Variants in NID2 observed in about 807,000 individuals in gnomAD.
NID2 encodes the protein nidogen 2.
Under a neutral mutation model 145.4 loss-of-function variants are expected in NID2, and 83 were observed. That is an observed-to-expected ratio of 0.57 (90% confidence interval 0.48 to 0.69). The LOEUF is 0.69. Ranked by LOEUF, NID2 falls within the 30% of genes least tolerant of loss-of-function variation. The pLI is 0.00. For synonymous variants in NID2, 739 were observed against 701.3 expected, an observed-to-expected ratio of 1.05 and a Z score of -0.85; for missense variants, 1,807 against 1,765.7, an observed-to-expected ratio of 1.02 and a Z score of -0.42.
At chr14:52,042,659 TTGATAGCACTC>T (rs1892327297) in intron 6 of NID2, 112 bp downstream of exon 6, 2 of 1,021,044 alleles carry the variant, frequency 2.0e-6, no homozygotes, top group Non-Finnish European at 2.9e-6. Flanking sequence ...CACCTGCAAG[TTGATAGCACTC>T]TGATTTAAGT....
intron 19 of NID2, chr14:52,007,566 C>A: frequency 2.1e-6 from 1 of 468,388 alleles, no homozygotes; most frequent in Non-Finnish European, 3.8e-6. Flanking sequence ...TAAAAATATG[C>A]CAGGCACTCA....
intron 2 of NID2, among the ~76,000 whole-genome samples, chr14:52,067,378 TAGAC>T (rs1893255529): frequency 6.6e-6 from 1 of 152,210 alleles, no homozygotes; most frequent in South Asian, 2.1e-4. Flanking sequence ...TCATTGTTAA[TAGAC>T]AGCAATAAAG....
chr14:52,026,770 C>G (rs1329583719), intron 12 of NID2, among the ~76,000 whole-genome samples: 1 of 152,192 alleles, frequency 6.6e-6, no homozygotes, highest in Admixed American at 6.5e-5. Context: ...ATGTGGAGTT[C>G]TCTCTTTTGA....
chr14:52,064,657 G>A (rs1893128304), intron 2 of NID2, among the ~76,000 whole-genome samples: 1 of 152,084 alleles, frequency 6.6e-6, no homozygotes, highest in South Asian at 2.1e-4. Context: ...AACCATAGCG[G>A]GCAACCTTGC....
chr14:52,037,110 C>G (rs1418215372), intron 9 of NID2, among the ~76,000 whole-genome samples: 1 of 152,202 alleles, frequency 6.6e-6, no homozygotes, highest in Admixed American at 6.5e-5. Context: ...AACTCTTACA[C>G]TTAGGTCTGT....
intron 2 of NID2, among the ~76,000 whole-genome samples, chr14:52,066,215 C>T (rs1893206227): frequency 1.3e-5 from 2 of 151,768 alleles, no homozygotes; most frequent in Admixed American, 6.6e-5. Flanking sequence ...TTCCAAAAAC[C>T]TTGCATTTAA....
intron 6 of NID2, 57 bp from the exon 7 acceptor site, chr14:52,042,407 A>C: frequency 6.5e-7 from 1 of 1,537,600 alleles, no homozygotes. Context: ...AGATGGGTGT[A>C]CCCAGGTATA....
At chr14:52,039,382 T>C (rs975985128) in intron 8 of NID2, among the ~76,000 whole-genome samples, 5 of 152,198 alleles carry the variant, frequency 3.3e-5, no homozygotes, top group Non-Finnish European at 5.9e-5. Context: ...GAAACTCACA[T>C]TGGTTTGACT....
intron 18 of NID2, chr14:52,009,995 GAAAAA>G (rs369796666): frequency 6.9e-6 from 1 of 144,210 alleles, no homozygotes; most frequent in African/African-American, 2.6e-5. Context: ...TCAAAAAAAA[GAAAAA>G]AAAAAGAAAA....
At chr14:52,066,975 C>T (rs1173571283) in intron 2 of NID2, among the ~76,000 whole-genome samples, 1 of 152,126 alleles carries the variant, frequency 6.6e-6, no homozygotes, top group African/African-American at 2.4e-5. Context: ...AGCACATTGA[C>T]GGCAGACTCC....
At chr14:52,050,412 A>T (rs1892645002) in intron 5 of NID2, among the ~76,000 whole-genome samples, 1 of 152,062 alleles carries the variant, frequency 6.6e-6, no homozygotes, top group Non-Finnish European at 1.5e-5. Context: ...GCCTGGCTCA[A>T]GCCCCTCCTT....
At chr14:52,018,406 C>T (rs1219572420) in intron 14 of NID2, among the ~76,000 whole-genome samples, 2 of 152,196 alleles carry the variant, frequency 1.3e-5, no homozygotes, top group African/African-American at 4.8e-5. Flanking sequence ...CTGTTGGAAT[C>T]GACTGTGAGC....
chr14:52,060,341 C>T lies in NID2; in HGVS notation c.550G>A (p.Ala184Thr), dbSNP rs1892984850. The change falls in exon 3 of 22, where the codon GCA becomes ACA. Residue 184 changes from alanine (A) to threonine (T), a missense_variant. Physicochemically the swap from Ala to Thr is moderately conservative, Grantham distance 58. Coordinates refer to ENST00000216286, the MANE Select transcript of NID2 (RefSeq NM_007361.4). Reference protein sequence around the residue: ...LPSGELNTFQAVLASDGSDSY... With the variant: ...LPSGELNTFQTVLASDGSDSY... ...TCAGACCCATCAGATGCCAAAACTG[C>T]CTGGAAAGTGTTCAGCTGTGAGGAA... 6.5e-7 allele frequency: 1 copy of T among 1,534,778 alleles called. No individual in the cohort carries two copies. Among genetic ancestry groups the T allele is most frequent in the Non-Finnish European group, 8.8e-7 (1 of 1,132,124 alleles).
At chr14:52,013,846 A>C (rs141805485) in intron 16 of NID2, among the ~76,000 whole-genome samples, 18 of 152,332 alleles carry the variant, frequency 1.2e-4, no homozygotes, top group African/African-American at 4.3e-4. Flanking sequence ...TGAGACAGTC[A>C]TTAACTGACT....
chr14:52,044,380 T>C (rs1892403297), intron 5 of NID2, among the ~76,000 whole-genome samples: 1 of 147,568 alleles, frequency 6.8e-6, no homozygotes, highest in Non-Finnish European at 1.5e-5. Flanking sequence ...CGCCATTCTC[T>C]TGCCTCAGCC....
intron 19 of NID2, chr14:52,007,276 C>T: frequency 6.4e-6 from 1 of 155,308 alleles, no homozygotes; most frequent in Non-Finnish European, 1.4e-5. Flanking sequence ...TACATTAGGC[C>T]CTTTTATTAG....
chr14:52,068,263 C>T, intron 1 of NID2, 100 bp from the exon 2 acceptor site: 1 of 1,195,890 alleles, frequency 8.4e-7, no homozygotes, highest in Non-Finnish European at 1.2e-6. Context: ...CAAAAAGCCT[C>T]TCTCTCCTTC....
intron 12 of NID2, among the ~76,000 whole-genome samples, chr14:52,022,875 A>C: frequency 6.6e-6 from 1 of 152,072 alleles, no homozygotes; most frequent in East Asian, 1.9e-4. Context: ...AGCCCAGTGA[A>C]ATTTCTTGGC....
chr14:52,029,389 T>A (rs1253073432), intron 10 of NID2, among the ~76,000 whole-genome samples, 158 bp downstream of exon 10: 2 of 152,234 alleles, frequency 1.3e-5, no homozygotes, highest in African/African-American at 4.8e-5. Context: ...AGCTATGCTT[T>A]AATTTTTAAA....
Sources: allele counts gnomAD v4.1 joint callset (sites outside exome capture counted in the v4.1 genomes callset), GRCh38; gene constraint gnomAD v4.1.1; transcripts MANE v1.5; gene names NCBI Gene and HGNC (gene_info 2026-07-23, HGNC 2026-07-21).